LLPH: variants seen among roughly 807,000 people sequenced by gnomAD.
LLPH encodes LLP homolog, long-term synaptic facilitation factor.
In LLPH, 5 loss-of-function variants were observed where a neutral mutation model predicts 13.3. The observed-to-expected ratio is 0.38, with a 90% CI of 0.20 to 0.79. The LOEUF (loss-of-function observed/expected upper bound fraction) is 0.79. Ranked by LOEUF, LLPH falls within the 30% of genes least tolerant of loss-of-function variation. The pLI is 0.45. For synonymous variants in LLPH, 32 were observed against 44.2 expected, an observed-to-expected ratio of 0.72 and a Z score of 1.09; for missense variants, 129 against 152.1, an observed-to-expected ratio of 0.85 and a Z score of 0.80.
chr12:66,125,747 C>T (rs893688746), intron 2 of LLPH, among the ~76,000 whole-genome samples: 1 of 152,180 alleles, frequency 6.6e-6, no homozygotes, highest in African/African-American at 2.4e-5. Context: ...CTCCCTCCAG[C>T]TTCCAATCAT....
chr12:66,125,210 G>C (rs2051488833), intron 2 of LLPH, among the ~76,000 whole-genome samples: 1 of 152,206 alleles, frequency 6.6e-6, no homozygotes, highest in South Asian at 2.1e-4. Flanking sequence ...AAGGGAACAA[G>C]AGCGGAAGAG....
At position 66,128,965 on chromosome 12, in the gene LLPH, C is replaced by T. The variant is rs2051515334; in HGVS notation, c.142G>A (p.Ala48Thr). Residue 48 changes from alanine (A) to threonine (T), a missense_variant, in exon 2 of 3, where the codon GCA becomes ACA. Ala to Thr is a moderately conservative substitution (Grantham distance 58). Coordinates refer to ENST00000266604, the MANE Select transcript of LLPH (RefSeq NM_032338.4). The part of the protein sequence containing the change: ...DVLMKDVQEI[A>T]TVVVPKPKHC... ...TTGGGTTTGGGTACCACCACAGTTG[C>T]TATCTCTTGAACATCTTTCATTAAA... 6.2e-7 allele frequency: 1 copy of T among 1,613,480 alleles called. No homozygotes were observed. Among genetic ancestry groups the T allele is most frequent in the Non-Finnish European group, 8.5e-7 (1 of 1,179,544 alleles).
Position 66,123,710 on chromosome 12 carries a change from A to G in LLPH, c.*130T>C. 3.2e-6 allele frequency: 3 copies of G among 947,924 alleles called. No individual in the cohort carries two copies. The highest frequency in any genetic ancestry group is 4.7e-6 in the Non-Finnish European group (3 of 634,208). The allele number at this position is 947,924 out of a possible 1,614,324, so 58.7% of individuals were successfully genotyped here. A position where few individuals can be genotyped will look rare whatever the true frequency, so the allele number is the denominator to read the frequency against. ...AGGAGTTATGCTGGGTTTGAATTGA[A>G]GAAAAAAGGCCAAGTTAAAATAGGA... On this transcript the variant is annotated 3_prime_UTR_variant, in exon 3 of 3. Coordinates refer to ENST00000266604, the MANE Select transcript of LLPH (RefSeq NM_032338.4).
chr12:66,119,874 G>A lies in LLPH; in HGVS notation c.*3966C>T, dbSNP rs565451771. The A allele has an allele frequency of 1.6e-4, 24 of 152,188 alleles. No homozygotes were observed. In the East Asian group the frequency reaches 4.1e-3, roughly 26 times the overall value. The allele number at this position is 152,188 out of a possible 1,614,324, so 9.4% of individuals were successfully genotyped here. On this transcript the variant is annotated 3_prime_UTR_variant, in exon 3 of 3. Transcript: ENST00000266604. ...CTCTTAAGCCATATTCCAGAAACAC[G>A]GATCCAAATTTTGAAAATATCTGAA...
rs2051467863 is a variant in LLPH, at chr12:66,122,201, A to G, written c.*1639T>C. ...TAAACAATTCCAAGAGTTTACTGGC[A>G]TCAAATTTTATAAGCTTAAATTTTC... On this transcript the variant is annotated 3_prime_UTR_variant, in exon 3 of 3. Transcript: ENST00000266604. 1 of 152,230 alleles carries G rather than the reference A, an allele frequency of 6.6e-6. No individual in the cohort carries two copies. Among genetic ancestry groups the G allele is most frequent in the South Asian group, 2.1e-4 (1 of 4,834 alleles). 9.4% of individuals were successfully genotyped at this position (152,230 alleles called of 1,614,324 possible). A position where few individuals can be genotyped will look rare whatever the true frequency, so the allele number is the denominator to read the frequency against.
intron 1 of LLPH, among the ~76,000 whole-genome samples, chr12:66,129,661 AG>A (rs1465143857): frequency 2.0e-5 from 3 of 152,222 alleles, no homozygotes; most frequent in Non-Finnish European, 2.9e-5. Context: ...CTGGGATTAC[AG>A]GCTTGAGCCA....
At position 66,119,833 on chromosome 12, in the gene LLPH, T is replaced by A. The variant is rs1156244204; in HGVS notation, c.*4007A>T. 1 of 152,224 alleles carries A rather than the reference T, an allele frequency of 6.6e-6. No individual in the cohort carries two copies. The highest frequency in any genetic ancestry group is 2.4e-5 in the African/African-American group (1 of 41,460). The allele number at this position is 152,224 out of a possible 1,614,324, so 9.4% of individuals were successfully genotyped here. A position where few individuals can be genotyped will look rare whatever the true frequency, so the allele number is the denominator to read the frequency against. On this transcript the variant is annotated 3_prime_UTR_variant, in exon 3 of 3. Coordinates refer to ENST00000266604, the MANE Select transcript of LLPH (RefSeq NM_032338.4). ...ATATTTGATTCAAGTCATTTATAGC[T>A]ATTTTTCTTCTCCAACTCTTAAGCC...
chr12:66,118,035 A>G lies in LLPH; in HGVS notation c.*5805T>C, dbSNP rs147018667. 48 of 152,292 alleles carry G rather than the reference A, an allele frequency of 3.2e-4. No homozygotes were observed. The highest frequency in any genetic ancestry group is 1.0e-3 in the African/African-American group (43 of 41,584). The allele number at this position is 152,292 out of a possible 1,614,324, so 9.4% of individuals were successfully genotyped here. A position where few individuals can be genotyped will look rare whatever the true frequency, so the allele number is the denominator to read the frequency against. ...AATTTATTATTGAAGAAAGTTTTTT[A>G]TAAGTTTATGTAGCCTAAGTGCACA... On this transcript the variant is annotated 3_prime_UTR_variant, in exon 3 of 3. Transcript: ENST00000266604.
chr12:66,124,159 T>G, intron 2 of LLPH, 141 bp from the exon 3 acceptor site: 1 of 588,150 alleles, frequency 1.7e-6, no homozygotes, highest in Non-Finnish European at 3.0e-6. Context: ...TTATAAAGAA[T>G]GTTGGCATGA....
rs368455022 is a variant in LLPH, at chr12:66,121,883, CAAAAAAAAA to C, written c.*1948_*1956del. 1 of 73,138 alleles carries C rather than the reference CAAAAAAAAA, an allele frequency of 1.4e-5. No individual in the cohort carries two copies. Among genetic ancestry groups the C allele is most frequent in the African/African-American group, 5.0e-5 (1 of 19,810 alleles). 4.5% of individuals were successfully genotyped at this position (73,138 alleles called of 1,614,324 possible). A position where few individuals can be genotyped will look rare whatever the true frequency, so the allele number is the denominator to read the frequency against. The stretch of plus-strand genomic sequence containing the variant: ...TGGGTGACAGAGTGAGACCCCATCT[CAAAAAAAAA>C]AAAAAAAAAAACATAAATAATTCAG... On this transcript the variant is annotated 3_prime_UTR_variant, in exon 3 of 3. Coordinates refer to ENST00000266604, the MANE Select transcript of LLPH (RefSeq NM_032338.4).
At chr12:66,128,848 C>CAAAAAAAAAAAAA in intron 2 of LLPH, 48 bp downstream of exon 2, 3 of 996,564 alleles carry the variant, frequency 3.0e-6, no homozygotes, top group Non-Finnish European at 2.8e-6. Context: ...GACCCTGCCT[C>CAAAAAAAAAAAAA]AAAAAAAAAA....
At chr12:66,127,063 AATGGAAAACAAGT>A (rs1237566579) in intron 2 of LLPH, among the ~76,000 whole-genome samples, 1 of 152,270 alleles carries the variant, frequency 6.6e-6, no homozygotes, top group East Asian at 1.9e-4. Flanking sequence ...ATAATCCGAA[AATGGAAAACAAGT>A]ATTAGTGAGG....
chr12:66,116,667 G>A lies in LLPH; in HGVS notation c.*7173C>T, dbSNP rs1303802077. On this transcript the variant is annotated 3_prime_UTR_variant, in exon 3 of 3. Coordinates refer to ENST00000266604, the MANE Select transcript of LLPH (RefSeq NM_032338.4). ...ACTATTTAAAGGTTTTGCTGATATT[G>A]AAAACTATAAAGACACAATGTGAGA... 1 of 152,176 alleles carries A rather than the reference G, an allele frequency of 6.6e-6. No individual in the cohort carries two copies. The highest frequency in any genetic ancestry group is 1.5e-5 in the Non-Finnish European group (1 of 68,028). 9.4% of individuals were successfully genotyped at this position (152,176 alleles called of 1,614,324 possible).
rs2051477369 is a variant in LLPH, at chr12:66,123,544, GAACAATTCTAACCA to G, written c.*282_*295del. The G allele has an allele frequency of 3.0e-6, 1 of 336,390 alleles. No individual in the cohort carries two copies. The highest frequency in any genetic ancestry group is 5.4e-6 in the Non-Finnish European group (1 of 186,720). The allele number at this position is 336,390 out of a possible 1,614,324, so 20.8% of individuals were successfully genotyped here. A position where few individuals can be genotyped will look rare whatever the true frequency, so the allele number is the denominator to read the frequency against. On this transcript the variant is annotated 3_prime_UTR_variant, in exon 3 of 3. Coordinates refer to ENST00000266604, the MANE Select transcript of LLPH (RefSeq NM_032338.4). Reference sequence around the variant, plus strand: ...TATTGACTATAATTACCAGTTGTAAGAACAATTCTAACCATATTAATACCTGACAGAACGTTGAG... The same window carrying G: ...TATTGACTATAATTACCAGTTGTAAGTATTAATACCTGACAGAACGTTGAG...
rs1254045503 is a variant in LLPH at position 66,117,962 on chromosome 12, A to C, written c.*5878T>G. On this transcript the variant is annotated 3_prime_UTR_variant, in exon 3 of 3. Coordinates refer to ENST00000266604, the MANE Select transcript of LLPH (RefSeq NM_032338.4). Reference sequence around the variant, plus strand: ...TATGATAAAAGGGTTATACAGTTTAAAAAATTAAAACGTTTATAAGGTAAA... The same window carrying C: ...TATGATAAAAGGGTTATACAGTTTACAAAATTAAAACGTTTATAAGGTAAA... 6.6e-6 allele frequency: 1 copy of C among 152,240 alleles called. No homozygotes were observed. Among genetic ancestry groups the C allele is most frequent in the Non-Finnish European group, 1.5e-5 (1 of 68,044 alleles). The allele number at this position is 152,240 out of a possible 1,614,324, so 9.4% of individuals were successfully genotyped here.
rs34661421 is a variant in LLPH, at chr12:66,118,363, CA to C, written c.*5476del. 132 of 119,674 alleles carry C rather than the reference CA, an allele frequency of 1.1e-3. No homozygotes were observed. Among genetic ancestry groups the C allele is most frequent in the African/African-American group, 1.7e-3 (51 of 30,782 alleles). The allele number at this position is 119,674 out of a possible 1,614,324, so 7.4% of individuals were successfully genotyped here. A position where few individuals can be genotyped will look rare whatever the true frequency, so the allele number is the denominator to read the frequency against. On this transcript the variant is annotated 3_prime_UTR_variant, in exon 3 of 3. Coordinates refer to ENST00000266604, the MANE Select transcript of LLPH (RefSeq NM_032338.4). ...GGGCAACAAGAGTGAAACTCCGTCTCAAAAAAAAAAAAAAAAAATATACAGC... is the reference window on the plus strand; with the variant it reads ...GGGCAACAAGAGTGAAACTCCGTCTCAAAAAAAAAAAAAAAAATATACAGC...
Position 66,128,879 on chromosome 12 carries a change from A to G in LLPH, c.211+17T>C. On this transcript the variant is annotated intron_variant, in intron 2 of 2. Transcript: ENST00000266604. The stretch of plus-strand genomic sequence containing the variant: ...AAAAAAAAAAAAAAGAGAAAGAAAA[A>G]GGAGAAGCACACTCACCTTTTTCAT... The G allele has an allele frequency of 6.5e-7, 1 of 1,537,756 alleles. No individual in the cohort carries two copies. The highest frequency in any genetic ancestry group is 8.8e-7 in the Non-Finnish European group (1 of 1,131,544).
In LLPH at chr12:66,121,595, CT is replaced by C. The variant is rs1467484043; in HGVS notation, c.*2244del. ...CTTTTCCAAAAATCATAAAAAATGT[CT>C]ACATTAGGCCGGGTGTGGTGGCTCA... On this transcript the variant is annotated 3_prime_UTR_variant, in exon 3 of 3. Coordinates refer to ENST00000266604, the MANE Select transcript of LLPH (RefSeq NM_032338.4). 2.6e-5 allele frequency: 4 copies of C among 151,530 alleles called. No homozygotes were observed. Among genetic ancestry groups the C allele is most frequent in the African/African-American group, 9.7e-5 (4 of 41,276 alleles). 9.4% of individuals were successfully genotyped at this position (151,530 alleles called of 1,614,324 possible).
chr12:66,129,179 CT>C, intron 1 of LLPH, 66 bp from the exon 2 acceptor site: 1 of 1,088,224 alleles, frequency 9.2e-7, no homozygotes, highest in Non-Finnish European at 1.4e-6. Context: ...CAGGCAAATC[CT>C]TAGAAAACCA....
Sources: allele counts gnomAD v4.1 joint callset (sites outside exome capture counted in the v4.1 genomes callset), GRCh38; gene constraint gnomAD v4.1.1; transcripts MANE v1.5; gene names NCBI Gene and HGNC (gene_info 2026-07-23, HGNC 2026-07-21).